RANBP2: variants seen among roughly 807,000 people sequenced by gnomAD.
RANBP2 encodes E3 SUMO-protein ligase RanBP2.
Under a neutral mutation model 303.6 loss-of-function variants are expected in RANBP2, and 57 were observed. That is an observed-to-expected ratio of 0.19 (90% CI 0.15 to 0.23). The LOEUF (loss-of-function observed/expected upper bound fraction) is 0.23. Among genes scored for constraint, RANBP2 ranks in the 10% least tolerant of loss-of-function variants. The probability of loss-of-function intolerance (pLI) is 1.00; values close to 1 mark genes in which losing one functional copy is unlikely to be tolerated. For synonymous variants in RANBP2, 1,167 were observed against 1,301.5 expected, an observed-to-expected ratio of 0.90 and a Z score of 2.23; for missense variants, 3,138 against 3,780.8, an observed-to-expected ratio of 0.83 and a Z score of 4.46.
chr2:109,659,438 C>T, the RANBP2 span, among the ~76,000 whole-genome samples: 5 of 152,202 alleles, frequency 3.3e-5, no homozygotes, highest in African/African-American at 1.2e-4. Flanking sequence ...TGGCCCCAGG[C>T]TCCTTTCCAT....
the RANBP2 span, among the ~76,000 whole-genome samples, chr2:109,396,378 C>T: frequency 6.6e-6 from 1 of 152,160 alleles, no homozygotes; most frequent in South Asian, 2.1e-4. Context: ...TTTTTCATAA[C>T]CTCCCTCTGA....
chr2:109,543,879 C>T, the RANBP2 span: 9 of 386,724 alleles, frequency 2.3e-5, no homozygotes, highest in Non-Finnish European at 3.7e-5. Context: ...TGCATATACA[C>T]AACGGGACCC....
the RANBP2 span, among the ~76,000 whole-genome samples, chr2:109,161,108 C>T: frequency 1.3e-5 from 2 of 152,144 alleles, no homozygotes; most frequent in Admixed American, 6.5e-5. Context: ...GAAGAGAAGC[C>T]GTTTGAGGCT....
chr2:109,348,259 A>G, the RANBP2 span, among the ~76,000 whole-genome samples: 2 of 152,208 alleles, frequency 1.3e-5, no homozygotes, highest in Admixed American at 6.5e-5. Context: ...AACCTGAGTC[A>G]TGGCTCTAAG....
At chr2:109,128,980 G>C in the RANBP2 span, 1 of 424,156 alleles carries the variant, frequency 2.4e-6, no homozygotes, top group Non-Finnish European at 4.7e-6. Flanking sequence ...GCGCACCCCC[G>C]CGCACGTGCT....
chr2:109,542,348 T>G, the RANBP2 span, among the ~76,000 whole-genome samples: 2,579 of 152,294 alleles, frequency 0.017, 64 homozygotes, highest in African/African-American at 0.058. Flanking sequence ...TCATCAGCAG[T>G]ACAAAACGAC....
the RANBP2 span, among the ~76,000 whole-genome samples, chr2:109,530,350 C>T: frequency 1.4e-4 from 22 of 152,296 alleles, no homozygotes; most frequent in Middle Eastern, 3.4e-3. Context: ...ATCAGGGCCA[C>T]GTGAGCAGGC....
chr2:108,763,670 T>A lies in RANBP2; in HGVS notation c.3131T>A (p.Phe1044Tyr). Residue 1044 changes from phenylalanine to tyrosine, a missense_variant, in exon 20 of 29, where the codon TTC becomes TAC. By Grantham distance (22) the Phe-to-Tyr change is conservative (BLOSUM62 3). Transcript: ENST00000283195. Reference sequence around the variant, plus strand: ...AATTTCAAATCAAATGATGGTGACTTCACGTTTTCCTCACCACAGGTTGTG... The same window carrying A: ...AATTTCAAATCAAATGATGGTGACTACACGTTTTCCTCACCACAGGTTGTG... ...NSNFKSNDGD[F>Y]TFSSPQVVTQ... is the part of the protein sequence containing the mutation. 1 of 1,614,124 alleles carries A rather than the reference T, an allele frequency of 6.2e-7. No individual in the cohort carries two copies. Among genetic ancestry groups the A allele is most frequent in the Admixed American group, 1.7e-5 (1 of 60,002 alleles).
At chr2:109,345,620 C>A in the RANBP2 span, among the ~76,000 whole-genome samples, 1 of 152,192 alleles carries the variant, frequency 6.6e-6, no homozygotes, top group Non-Finnish European at 1.5e-5. Flanking sequence ...TACATCCCTT[C>A]AAAACTGCTC....
chr2:109,265,692 C>A, the RANBP2 span, among the ~76,000 whole-genome samples: 30 of 152,342 alleles, frequency 2.0e-4, no homozygotes, highest in Non-Finnish European at 3.5e-4. Context: ...AGCCACAGGT[C>A]ATCTGATTAT....
At chr2:109,662,279 T>C in the RANBP2 span, among the ~76,000 whole-genome samples, 1 of 152,074 alleles carries the variant, frequency 6.6e-6, no homozygotes, top group Non-Finnish European at 1.5e-5. Context: ...GTTCACCCTG[T>C]ATATTTCTTT....
chr2:109,131,790 ACTTT>A, the RANBP2 span, among the ~76,000 whole-genome samples: 1 of 152,130 alleles, frequency 6.6e-6, no homozygotes, highest in Admixed American at 6.5e-5. Context: ...CCCTTGGTTG[ACTTT>A]CTTTATGGGT....
chr2:109,275,096 A>AT, the RANBP2 span, among the ~76,000 whole-genome samples: 1 of 152,202 alleles, frequency 6.6e-6, no homozygotes, highest in Non-Finnish European at 1.5e-5. Flanking sequence ...TTAAAAAAAA[A>AT]GAAAATGTGT....
rs570491044 is a variant in RANBP2, at chr2:108,736,386, C to G, written c.782+137C>G. ...GAGTTATAGTTAATACAGTGAACAA[C>G]TAGGAGGCAATCTTATTTTTCTTCT... On this transcript the variant is annotated intron_variant, in intron 6 of 28. Coordinates refer to ENST00000283195, the MANE Select transcript of RANBP2 (RefSeq NM_006267.5). 45 of 1,513,688 alleles carry G rather than the reference C, an allele frequency of 3.0e-5. No homozygotes were observed. The African/African-American group carries it at 5.8e-4, about 20-fold the overall frequency. The allele number at this position is 1,513,688 out of a possible 1,614,324, so 93.8% of individuals were successfully genotyped here.
At chr2:109,252,829 A>G in the RANBP2 span, among the ~76,000 whole-genome samples, 1 of 152,344 alleles carries the variant, frequency 6.6e-6, no homozygotes, top group East Asian at 1.9e-4. Context: ...CTGTCTTGAA[A>G]GTGAAAAACA....
chr2:109,044,599 T>G, the RANBP2 span, among the ~76,000 whole-genome samples: 4 of 35,330 alleles, frequency 1.1e-4, no homozygotes, highest in Non-Finnish European at 1.1e-3. Flanking sequence ...GGAATTGTCC[T>G]TATCTGACTC....
chr2:109,080,566 G>T, the RANBP2 span, among the ~76,000 whole-genome samples: 4 of 152,144 alleles, frequency 2.6e-5, no homozygotes, highest in African/African-American at 9.7e-5. Flanking sequence ...GATTGGACAG[G>T]ACATCTACAA....
At chr2:109,149,255 T>C in the RANBP2 span, among the ~76,000 whole-genome samples, 1 of 152,146 alleles carries the variant, frequency 6.6e-6, no homozygotes, top group African/African-American at 2.4e-5. Flanking sequence ...ACTAAGAATG[T>C]TCTATGGCCC....
chr2:109,467,065 C>T, the RANBP2 span, among the ~76,000 whole-genome samples: 14 of 152,324 alleles, frequency 9.2e-5, no homozygotes, highest in South Asian at 2.9e-3. Flanking sequence ...TGTAAAATGG[C>T]ACAACTACTT....
Sources: gnomAD v4.1 joint callset for allele counts (sites outside exome capture counted in the v4.1 genomes callset) on GRCh38, gnomAD v4.1.1 for gene constraint, MANE v1.5 for transcripts, NCBI Gene and HGNC (gene_info 2026-07-23, HGNC 2026-07-21) for gene names.